The following SGCD variants were observed in gnomAD, a reference collection of about 807,000 sequenced individuals.
SGCD encodes the protein sarcoglycan delta, also known as delta-sarcoglycan.
In SGCD, 18 loss-of-function variants were observed where a neutral mutation model predicts 36.6. The observed-to-expected ratio is 0.49, with a 90% CI of 0.34 to 0.73. The LOEUF is 0.73. SGCD is among the 30% of genes least tolerant of loss of function. The pLI is 0.01. For synonymous variants in SGCD, 133 were observed against 130.6 expected (o/e 1.02, Z -0.12); for missense variants, 387 against 346.7 (o/e 1.12, Z -0.92).
At chr5:156,736,262 T>C (rs966936282) in intron 7 of SGCD, among the ~76,000 whole-genome samples, 5 of 152,222 alleles carry the variant, frequency 3.3e-5, no homozygotes, top group Admixed American at 1.3e-4. Context: ...CCACTCTTTG[T>C]GTTTACTTAC....
At chr5:156,070,360 A>C (rs528953520) in intron 1 of SGCD, among the ~76,000 whole-genome samples, 9,197 of 150,946 alleles carry the variant, frequency 0.061, 938 homozygotes, top group African/African-American at 0.21. Context: ...AATTTTGTCA[A>C]AGGCCTTTTC....
intron 4 of SGCD, among the ~76,000 whole-genome samples, chr5:156,526,659 T>C (rs1757655015): frequency 6.6e-6 from 1 of 152,206 alleles, no homozygotes; most frequent in Non-Finnish European, 1.5e-5. Context: ...CCATCTGTAC[T>C]ATGAAGCCAA....
intron 4 of SGCD, among the ~76,000 whole-genome samples, chr5:156,517,427 C>G (rs1169588368): frequency 6.6e-6 from 1 of 152,132 alleles, no homozygotes; most frequent in Non-Finnish European, 1.5e-5. Context: ...TTCAGAATAT[C>G]ATCCAGGAGA....
intron 6 of SGCD, among the ~76,000 whole-genome samples, chr5:156,640,486 C>T (rs2113562127): frequency 7.6e-6 from 1 of 132,112 alleles, no homozygotes; most frequent in East Asian, 2.0e-4. Flanking sequence ...TGTGTTGCTA[C>T]AATAAAACTT....
intron 3 of SGCD, among the ~76,000 whole-genome samples, chr5:156,468,840 A>T (rs1754829299): frequency 6.6e-6 from 1 of 152,184 alleles, no homozygotes; most frequent in Non-Finnish European, 1.5e-5. Flanking sequence ...AATAATAAAA[A>T]AACTAGCCAG....
At chr5:156,543,853 G>A (rs552373641) in intron 4 of SGCD, among the ~76,000 whole-genome samples, 7 of 152,320 alleles carry the variant, frequency 4.6e-5, no homozygotes, top group Middle Eastern at 3.4e-3. Context: ...TGATTGTAGG[G>A]AAACTTTTTC....
chr5:156,023,442 A>G (rs2127573845), intron 1 of SGCD, among the ~76,000 whole-genome samples: 1 of 152,360 alleles, frequency 6.6e-6, no homozygotes. Context: ...TTTCTGTCTC[A>G]TTAAATGCTG....
chr5:156,479,268 G>A (rs561223359), intron 3 of SGCD, among the ~76,000 whole-genome samples: 108 of 151,766 alleles, frequency 7.1e-4, no homozygotes, highest in Non-Finnish European at 1.1e-3. Flanking sequence ...AATTTTTTTT[G>A]TACTTTTAGT....
At chr5:155,811,765 G>A in the SGCD span, among the ~76,000 whole-genome samples, 2 of 152,174 alleles carry the variant, frequency 1.3e-5, no homozygotes, top group Admixed American at 1.3e-4. Flanking sequence ...TGTCAATAAT[G>A]CACTGGATAT....
chr5:156,686,394 C>A (rs982186337), intron 7 of SGCD, among the ~76,000 whole-genome samples: 1 of 152,138 alleles, frequency 6.6e-6, no homozygotes, highest in Admixed American at 6.6e-5. Flanking sequence ...ATCTGCAAAG[C>A]CACTGTTCTC....
intron 1 of SGCD, among the ~76,000 whole-genome samples, chr5:155,996,840 G>A (rs999883525): frequency 6.7e-6 from 1 of 150,116 alleles, no homozygotes; most frequent in Non-Finnish European, 1.5e-5. Context: ...CTGCCAAATG[G>A]TAAATCTGAT....
At chr5:156,595,080 T>C in intron 6 of SGCD, 29 bp downstream of exon 6, 1 of 1,593,300 alleles carries the variant, frequency 6.3e-7, no homozygotes, top group South Asian at 1.1e-5. Context: ...TTTAACTTGT[T>C]TGATGCTACT....
chr5:156,451,094 C>T (rs2127806371), intron 3 of SGCD, among the ~76,000 whole-genome samples: 2 of 151,368 alleles, frequency 1.3e-5, no homozygotes, highest in Middle Eastern at 6.8e-3. Context: ...CCTCCCCTCC[C>T]TTCCCTTCCC....
chr5:155,948,196 G>A (rs547742272), intron 1 of SGCD, among the ~76,000 whole-genome samples: 172 of 152,274 alleles, frequency 1.1e-3, no homozygotes, highest in African/African-American at 4.0e-3. Context: ...AGCATTTCTT[G>A]AAATCTGGAG....
At chr5:155,795,943 T>C in the SGCD span, among the ~76,000 whole-genome samples, 2 of 152,196 alleles carry the variant, frequency 1.3e-5, no homozygotes, top group African/African-American at 4.8e-5. Context: ...ATGCACTCAG[T>C]ACCATTGTTT....
chr5:156,342,227 T>C (rs1181463989), intron 2 of SGCD, among the ~76,000 whole-genome samples: 1 of 152,230 alleles, frequency 6.6e-6, no homozygotes, highest in Non-Finnish European at 1.5e-5. Flanking sequence ...AATGACACCA[T>C]CGATTGGGTT....
intron 3 of SGCD, among the ~76,000 whole-genome samples, chr5:156,284,583 C>T (rs1476987708): frequency 6.6e-6 from 1 of 152,150 alleles, no homozygotes; most frequent in Non-Finnish European, 1.5e-5. Flanking sequence ...ATATCATTAT[C>T]TCAATAGATG....
chr5:156,613,657 A>G (rs1262089858), intron 6 of SGCD, among the ~76,000 whole-genome samples: 2 of 152,230 alleles, frequency 1.3e-5, no homozygotes, highest in East Asian at 1.9e-4. Context: ...CCCCAGAGCT[A>G]CTGAATGAGA....
At chr5:156,691,416 G>T (rs919919666) in intron 7 of SGCD, among the ~76,000 whole-genome samples, 1 of 152,002 alleles carries the variant, frequency 6.6e-6, no homozygotes, top group Non-Finnish European at 1.5e-5. Context: ...ATTGCAAAAA[G>T]CTCCCTTGTG....
Sources: gnomAD v4.1 joint callset for allele counts (sites outside exome capture counted in the v4.1 genomes callset) on GRCh38, gnomAD v4.1.1 for gene constraint, MANE v1.5 for transcripts, NCBI Gene and HGNC (gene_info 2026-07-23, HGNC 2026-07-21) for gene names.